SRD5A2: variants seen among roughly 807,000 people sequenced by gnomAD.
SRD5A2 encodes the protein steroid 5 alpha-reductase 2.
A neutral mutation model predicts 27.4 loss-of-function variants in SRD5A2; 30 were observed. The observed-to-expected ratio is 1.10, with a 90% CI of 0.82 to 1.49. SRD5A2 has a LOEUF of 1.49. Among genes scored for constraint, SRD5A2 ranks in the 40% most tolerant of loss-of-function variants. The probability of loss-of-function intolerance (pLI) is 0.00; values close to 1 mark genes in which losing one functional copy is unlikely to be tolerated. For synonymous variants in SRD5A2, 141 were observed against 133.6 expected (o/e 1.06, Z -0.38); for missense variants, 348 against 323.4 (o/e 1.08, Z -0.58).
At chr2:31,658,197 T>C in the SRD5A2 span, among the ~76,000 whole-genome samples, 3 of 152,076 alleles carry the variant, frequency 2.0e-5, no homozygotes, top group South Asian at 4.1e-4. Context: ...AGAAACAACA[T>C]ATGAGAATTT....
rs548942665 is a variant in SRD5A2 at position 31,566,721 on chromosome 2, C to T, written c.281+13899G>A. 3.6e-4 allele frequency among the ~76,000 whole-genome samples: 55 copies of T among 152,288 alleles called. 1 individual carries two copies. The South Asian group carries it at 8.9e-3, about 25-fold the overall frequency. On this transcript the variant is annotated intron_variant, in intron 1 of 4. Coordinates refer to ENST00000622030, the MANE Select transcript of SRD5A2 (RefSeq NM_000348.4). ...ACACACGAAGTGTGACTTTTAAAATCCCTCAGAACAGTAACTACTTATGGG... is the reference window on the plus strand; with the variant it reads ...ACACACGAAGTGTGACTTTTAAAATTCCTCAGAACAGTAACTACTTATGGG...
At chr2:31,561,599 G>A (rs188083839) in intron 1 of SRD5A2, among the ~76,000 whole-genome samples, 1 of 152,232 alleles carries the variant, frequency 6.6e-6, no homozygotes, top group East Asian at 1.9e-4. Flanking sequence ...GCATGTCCTG[G>A]TAATACTGGG....
chr2:31,582,664 T>C (rs1173574485), upstream of SRD5A2, among the ~76,000 whole-genome samples: 1 of 152,174 alleles, frequency 6.6e-6, no homozygotes, highest in Non-Finnish European at 1.5e-5. Flanking sequence ...CTCTGCGTTT[T>C]CTCCCTGCTG....
intron 1 of SRD5A2, among the ~76,000 whole-genome samples, chr2:31,541,697 T>C (rs970993543): frequency 4.6e-5 from 7 of 152,160 alleles, no homozygotes; most frequent in African/African-American, 1.7e-4. Context: ...AACATAGTCT[T>C]GAATTGCCAA....
the SRD5A2 span, among the ~76,000 whole-genome samples, chr2:31,586,247 G>A: frequency 6.6e-6 from 1 of 151,948 alleles, no homozygotes; most frequent in South Asian, 2.1e-4. Context: ...GCAATAGAAT[G>A]CCAGGTAGAC....
At chr2:31,565,630 C>A (rs572974293) in intron 1 of SRD5A2, among the ~76,000 whole-genome samples, 1 of 151,758 alleles carries the variant, frequency 6.6e-6, no homozygotes, top group Non-Finnish European at 1.5e-5. Context: ...TGTTTCATCA[C>A]GATAAAAGCA....
chr2:31,573,254 T>C (rs1666887812), intron 1 of SRD5A2, among the ~76,000 whole-genome samples: 1 of 152,214 alleles, frequency 6.6e-6, no homozygotes. Flanking sequence ...AAGAACATAA[T>C]ATAATGCCTG....
chr2:31,557,137 A>G (rs1666512473), intron 1 of SRD5A2, among the ~76,000 whole-genome samples: 1 of 152,238 alleles, frequency 6.6e-6, no homozygotes, highest in Non-Finnish European at 1.5e-5. Context: ...CCTCTATTGC[A>G]GTCACATGTC....
At chr2:31,539,908 T>G (rs912981921) in intron 1 of SRD5A2, among the ~76,000 whole-genome samples, 1 of 152,154 alleles carries the variant, frequency 6.6e-6, no homozygotes, top group African/African-American at 2.4e-5. Flanking sequence ...CAGGTTTCAA[T>G]GGAAAATAAC....
At chr2:31,565,353 T>C (rs1283530265) in intron 1 of SRD5A2, among the ~76,000 whole-genome samples, 2 of 151,826 alleles carry the variant, frequency 1.3e-5, no homozygotes, top group Non-Finnish European at 3.0e-5. Context: ...AATAATCTCA[T>C]TAAATATAAA....
At chr2:31,654,946 T>A in the SRD5A2 span, among the ~76,000 whole-genome samples, 6 of 152,324 alleles carry the variant, frequency 3.9e-5, no homozygotes, top group African/African-American at 1.4e-4. Context: ...AAGTTCCAGG[T>A]ACTAATTATA....
the SRD5A2 span, among the ~76,000 whole-genome samples, chr2:31,630,592 A>T: frequency 2.6e-5 from 4 of 152,222 alleles, no homozygotes; most frequent in Non-Finnish European, 5.9e-5. Flanking sequence ...GCCCAAATGC[A>T]TTCAATCTGT....
chr2:31,559,514 T>C (rs900589544), intron 1 of SRD5A2, among the ~76,000 whole-genome samples: 2 of 152,192 alleles, frequency 1.3e-5, no homozygotes, highest in Non-Finnish European at 1.5e-5. Context: ...TATTTTAACA[T>C]ACATTTGCAT....
intron 1 of SRD5A2, among the ~76,000 whole-genome samples, chr2:31,556,141 C>T (rs954239351): frequency 1.3e-5 from 2 of 152,136 alleles, no homozygotes; most frequent in African/African-American, 4.8e-5. Flanking sequence ...GGGTCCTTGC[C>T]GAGAAGTAAC....
chr2:31,587,121 G>A, the SRD5A2 span, among the ~76,000 whole-genome samples: 11 of 152,048 alleles, frequency 7.2e-5, no homozygotes, highest in Non-Finnish European at 1.2e-4. Context: ...ACATTTATGC[G>A]GCCAACAAAC....
chr2:31,565,380 T>C (rs1666709805), intron 1 of SRD5A2, among the ~76,000 whole-genome samples: 1 of 151,848 alleles, frequency 6.6e-6, no homozygotes, highest in South Asian at 2.1e-4. Flanking sequence ...AATATCCCAG[T>C]TAAAAATCAG....
the SRD5A2 span, among the ~76,000 whole-genome samples, chr2:31,628,047 G>T: frequency 6.6e-6 from 1 of 152,078 alleles, no homozygotes; most frequent in African/African-American, 2.4e-5. Context: ...CTGCCTCGAT[G>T]ATTTATCTAA....
At position 31,531,384 on chromosome 2, in the gene SRD5A2, G is replaced by T. The variant is rs1200261940; in HGVS notation, c.534C>A (p.Tyr178Ter). 3 of 1,585,174 alleles carry T rather than the reference G, an allele frequency of 1.9e-6. No homozygotes were observed. In the African/African-American group the frequency reaches 4.0e-5, roughly 21 times the overall value. The change falls in exon 3 of 5, where the codon TAC becomes TAA. Residue 178 changes from tyrosine (Y) to a stop codon, truncating the protein, a stop_gained. Coordinates refer to ENST00000622030, the MANE Select transcript of SRD5A2 (RefSeq NM_000348.4). LOFTEE classifies it high-confidence loss of function. ...GGGAGACATTACCTTGTGGAATCCT[G>T]TAGCTGATTTCTCCAGGCTTCCTGA... ...RQLRKPGEIS[Y>*]RIPQGGLFTY...
chr2:31,579,232 A>G (rs766494734), intron 1 of SRD5A2, among the ~76,000 whole-genome samples: 4 of 152,256 alleles, frequency 2.6e-5, no homozygotes, highest in Non-Finnish European at 4.4e-5. Flanking sequence ...GATTGCATAA[A>G]TATTAAATCT....
Sources: allele counts gnomAD v4.1 joint callset (sites outside exome capture counted in the v4.1 genomes callset), GRCh38; gene constraint gnomAD v4.1.1; transcripts MANE v1.5; gene names NCBI Gene and HGNC (gene_info 2026-07-23, HGNC 2026-07-21).